The following PSMA1 variants were observed in gnomAD, a reference collection of about 807,000 sequenced individuals.
PSMA1 encodes proteasome subunit alpha type-1.
A neutral mutation model predicts 38.4 loss-of-function variants in PSMA1; 3 were observed. The ratio of observed to expected loss-of-function variants is 0.08; its 90% CI spans 0.04 to 0.20. The LOEUF (loss-of-function observed/expected upper bound fraction) is 0.20. Ranked by LOEUF, PSMA1 falls within the 10% of genes least tolerant of loss-of-function variation. The pLI, the probability that PSMA1 is intolerant of heterozygous loss-of-function variation, is 1.00. For missense variants in PSMA1, 227 were observed against 325.3 expected (o/e 0.70, Z 2.32); for synonymous variants, 101 against 107.1 (o/e 0.94, Z 0.35).
intron 2 of PSMA1, among the ~76,000 whole-genome samples, chr11:14,570,584 G>A (rs759636921): frequency 2.0e-5 from 3 of 152,192 alleles, no homozygotes; most frequent in Non-Finnish European, 4.4e-5. Context: ...TTCAGTAGCC[G>A]ATTTGATCAA....
At chr11:14,593,322 A>G (rs1852444173) in intron 2 of PSMA1, among the ~76,000 whole-genome samples, 1 of 152,254 alleles carries the variant, frequency 6.6e-6, no homozygotes, top group African/African-American at 2.4e-5. Flanking sequence ...AGAGAAGGAA[A>G]GCATCTACAA....
At chr11:14,561,815 TAAAC>T (rs1249193361) in intron 2 of PSMA1, among the ~76,000 whole-genome samples, 1 of 15,706 alleles carries the variant, frequency 6.4e-5, no homozygotes, top group Non-Finnish European at 4.8e-4. Context: ...TAAATTAAAC[TAAAC>T]TAAACTAAAC....
intron 2 of PSMA1, among the ~76,000 whole-genome samples, chr11:14,570,317 G>A (rs548906472): frequency 7.6e-4 from 115 of 152,286 alleles, no homozygotes; most frequent in African/African-American, 2.7e-3. Context: ...TCCTCCAAAG[G>A]AACACAGCTC....
At chr11:14,528,881 C>T (rs895247099) in intron 2 of PSMA1, among the ~76,000 whole-genome samples, 1 of 152,264 alleles carries the variant, frequency 6.6e-6, no homozygotes, top group South Asian at 2.1e-4. Flanking sequence ...CCCCCTGCCC[C>T]TAAAACATTG....
chr11:14,619,394 G>A (rs902097776), intron 1 of PSMA1, among the ~76,000 whole-genome samples: 27 of 152,062 alleles, frequency 1.8e-4, no homozygotes, highest in Admixed American at 1.4e-3. Flanking sequence ...AGTTGAGATA[G>A]TGCCACTGAA....
intron 2 of PSMA1, among the ~76,000 whole-genome samples, chr11:14,537,360 C>T (rs534265088): frequency 6.6e-6 from 1 of 152,098 alleles, no homozygotes; most frequent in African/African-American, 2.4e-5. Context: ...TCTTTTATTC[C>T]TGTTTTGTCC....
intron 2 of PSMA1, among the ~76,000 whole-genome samples, chr11:14,558,873 T>C (rs924951802): frequency 5.9e-5 from 9 of 152,150 alleles, no homozygotes; most frequent in African/African-American, 1.9e-4. Context: ...TAGTGGGCCT[T>C]TACAAAACTT....
At chr11:14,510,738 G>T in intron 8 of PSMA1, 134 bp downstream of exon 8, 1 of 507,108 alleles carries the variant, frequency 2.0e-6, no homozygotes, top group Non-Finnish European at 3.3e-6. Context: ...TTAGCAAATA[G>T]CTTAAAGGAA....
intron 1 of PSMA1, among the ~76,000 whole-genome samples, chr11:14,640,113 C>T (rs1853179671): frequency 6.6e-6 from 1 of 151,932 alleles, no homozygotes; most frequent in Admixed American, 6.6e-5. Flanking sequence ...AGATTAAATG[C>T]TGGTAGAGGG....
chr11:14,560,336 CT>C (rs1221697153), intron 2 of PSMA1, among the ~76,000 whole-genome samples: 1 of 152,120 alleles, frequency 6.6e-6, no homozygotes, highest in East Asian at 1.9e-4. Context: ...AAACTAGAAC[CT>C]TGTTACTGAC....
chr11:14,566,651 T>C (rs1271529765), intron 2 of PSMA1, among the ~76,000 whole-genome samples: 1 of 152,186 alleles, frequency 6.6e-6, no homozygotes, highest in Admixed American at 6.5e-5. Flanking sequence ...TAAGATATTT[T>C]ATTTCAATAA....
At chr11:14,542,400 G>T (rs1371207975) in intron 2 of PSMA1, among the ~76,000 whole-genome samples, 1 of 152,088 alleles carries the variant, frequency 6.6e-6, no homozygotes, top group East Asian at 1.9e-4. Context: ...GCATTCAGCT[G>T]TAAGCAGGGA....
At chr11:14,605,238 C>T (rs984991026) in intron 2 of PSMA1, among the ~76,000 whole-genome samples, 1 of 152,026 alleles carries the variant, frequency 6.6e-6, no homozygotes, top group Admixed American at 6.6e-5. Context: ...TTAATAATAG[C>T]CATTATGACT....
At chr11:14,539,952 G>A (rs940586511) in intron 2 of PSMA1, among the ~76,000 whole-genome samples, 12 of 152,134 alleles carry the variant, frequency 7.9e-5, no homozygotes, top group Admixed American at 1.3e-4. Flanking sequence ...ACATATAAAT[G>A]AGAGAATAAA....
intron 2 of PSMA1, among the ~76,000 whole-genome samples, chr11:14,600,634 C>T (rs912778383): frequency 6.6e-6 from 1 of 152,176 alleles, no homozygotes; most frequent in African/African-American, 2.4e-5. Context: ...TCCCATTTTC[C>T]CAGGTAGTCT....
intron 2 of PSMA1, among the ~76,000 whole-genome samples, chr11:14,582,620 C>T (rs1482095474): frequency 1.3e-5 from 2 of 152,014 alleles, no homozygotes; most frequent in Admixed American, 6.6e-5. Flanking sequence ...CAGGTTCAAA[C>T]AATTCTCCTG....
chr11:14,639,746 T>G (rs1269802730), intron 1 of PSMA1, among the ~76,000 whole-genome samples: 1 of 152,260 alleles, frequency 6.6e-6, no homozygotes, highest in African/African-American at 2.4e-5. Context: ...TCCAGATTTT[T>G]GCACTGCTTG....
intron 7 of PSMA1, among the ~76,000 whole-genome samples, chr11:14,511,997 C>A (rs1589977842): frequency 6.6e-6 from 1 of 152,216 alleles, no homozygotes; most frequent in South Asian, 2.1e-4. Flanking sequence ...GAAAACAATT[C>A]TGTTCACAAC....
rs561882490 is a variant in PSMA1, at chr11:14,602,930, G to A, written c.21+8036C>T. ...GTTCACCTGATTTCCATGGCTGTGCGGGGAGACATAAGTAACCAGTTGAAG... is the reference window on the plus strand; with the variant it reads ...GTTCACCTGATTTCCATGGCTGTGCAGGGAGACATAAGTAACCAGTTGAAG... On this transcript the variant is annotated intron_variant, in intron 2 of 10. Coordinates refer to the PSMA1 transcript ENST00000418988. 7.6e-4 allele frequency among the ~76,000 whole-genome samples: 115 copies of A among 152,254 alleles called. No individual in the cohort carries two copies. In the South Asian group the frequency reaches 0.014, roughly 19 times the overall value.
Sources: gnomAD v4.1 joint callset for allele counts (sites outside exome capture counted in the v4.1 genomes callset) on GRCh38, gnomAD v4.1.1 for gene constraint, MANE v1.5 for transcripts, NCBI Gene and HGNC (gene_info 2026-07-23, HGNC 2026-07-21) for gene names.